The following PRKAA2 variants were observed in gnomAD, a reference collection of about 807,000 sequenced individuals.
The protein encoded by PRKAA2 is protein kinase AMP-activated catalytic subunit alpha 2, also known as 5'-AMP-activated protein kinase catalytic subunit alpha-2.
PRKAA2 carries 40 observed loss-of-function variants against 56.3 expected under a neutral mutation model. The ratio of observed to expected loss-of-function variants is 0.71; its 90% CI spans 0.55 to 0.92. The LOEUF (loss-of-function observed/expected upper bound fraction) is 0.92, where lower values mean the gene tolerates loss of function less well. Among genes scored for constraint, PRKAA2 ranks in the 40% least tolerant of loss-of-function variants. The pLI, the probability that PRKAA2 is intolerant of heterozygous loss-of-function variation, is 0.00. For synonymous variants in PRKAA2, 214 were observed against 234.2 expected (o/e 0.91, Z 0.79); for missense variants, 542 against 686.9 (o/e 0.79, Z 2.36).
Position 56,714,141 on chromosome 1 carries a change from C to T in PRKAA2, c.*6428C>T, listed in dbSNP as rs184312989. ...TAAACATAACATTTGGCTACCTTCT[C>T]ATGCTTTATAAATGAATTTGATGAA... On this transcript the variant is annotated 3_prime_UTR_variant, in exon 9 of 9. Coordinates refer to ENST00000371244, the MANE Select transcript of PRKAA2 (RefSeq NM_006252.4). The T allele has an allele frequency of 9.7e-4, 147 of 152,230 alleles. No individual in the cohort carries two copies. Among genetic ancestry groups the T allele is most frequent in the African/African-American group, 3.3e-3 (136 of 41,550 alleles). 9.4% of individuals were successfully genotyped at this position (152,230 alleles called of 1,614,324 possible). A position where few individuals can be genotyped will look rare whatever the true frequency, so the allele number is the denominator to read the frequency against.
At chr1:56,660,459 C>G (rs1643985267) in intron 1 of PRKAA2, among the ~76,000 whole-genome samples, 1 of 152,114 alleles carries the variant, frequency 6.6e-6, no homozygotes, top group Non-Finnish European at 1.5e-5. Flanking sequence ...CAGCCCTACC[C>G]CAGCCTTACT....
At chr1:56,685,460 C>A (rs1051484963) in intron 2 of PRKAA2, among the ~76,000 whole-genome samples, 2 of 152,064 alleles carry the variant, frequency 1.3e-5, no homozygotes, top group African/African-American at 4.8e-5. Flanking sequence ...GATCAGAATT[C>A]ATTCATTACT....
chr1:56,690,587 A>G (rs1569774732), intron 2 of PRKAA2, among the ~76,000 whole-genome samples: 1 of 152,224 alleles, frequency 6.6e-6, no homozygotes. Context: ...AATCAAAATA[A>G]GTCTATACAG....
intron 7 of PRKAA2, among the ~76,000 whole-genome samples, chr1:56,704,867 G>C (rs530039928): frequency 6.6e-6 from 1 of 151,698 alleles, no homozygotes; most frequent in South Asian, 2.1e-4. Context: ...GGCTGTAATA[G>C]CTAGTGGTTG....
intron 1 of PRKAA2, among the ~76,000 whole-genome samples, chr1:56,657,340 A>C (rs1211649992): frequency 6.6e-6 from 1 of 152,218 alleles, no homozygotes; most frequent in African/African-American, 2.4e-5. Flanking sequence ...TAAAAGAAAC[A>C]AACTGCCAGC....
intron 1 of PRKAA2, among the ~76,000 whole-genome samples, chr1:56,665,518 T>C (rs1406611596): frequency 1.3e-5 from 2 of 152,250 alleles, no homozygotes; most frequent in Admixed American, 6.5e-5. Context: ...TTTTAATTTA[T>C]GCATTTCTGT....
intron 1 of PRKAA2, among the ~76,000 whole-genome samples, chr1:56,652,960 A>G (rs1170382329): frequency 1.3e-5 from 2 of 152,204 alleles, no homozygotes; most frequent in Non-Finnish European, 2.9e-5. Flanking sequence ...TAATGTTTAT[A>G]TTAAAAACAA....
chr1:56,656,292 G>C (rs1009401454), intron 1 of PRKAA2, among the ~76,000 whole-genome samples: 2 of 152,140 alleles, frequency 1.3e-5, no homozygotes, highest in African/African-American at 4.8e-5. Flanking sequence ...AAGCTATATA[G>C]AAAAAGTTAA....
intron 2 of PRKAA2, among the ~76,000 whole-genome samples, chr1:56,679,295 C>A (rs898939242): frequency 6.6e-6 from 1 of 152,162 alleles, no homozygotes; most frequent in African/African-American, 2.4e-5. Flanking sequence ...ATTTCCAAAT[C>A]TTTATGATTT....
intron 1 of PRKAA2, among the ~76,000 whole-genome samples, chr1:56,668,015 T>C (rs765141015): frequency 9.2e-5 from 14 of 152,172 alleles, no homozygotes; most frequent in Non-Finnish European, 1.8e-4. Context: ...GTAGGCTTGA[T>C]TTTATTTATT....
intron 5 of PRKAA2, among the ~76,000 whole-genome samples, chr1:56,694,813 T>A (rs555290547): frequency 1.3e-5 from 2 of 152,226 alleles, no homozygotes; most frequent in East Asian, 3.9e-4. Flanking sequence ...ACATAAGCAT[T>A]CAGTCCATTG....
At chr1:56,702,089 T>G (rs1450974640) in intron 6 of PRKAA2, among the ~76,000 whole-genome samples, 1 of 150,950 alleles carries the variant, frequency 6.6e-6, no homozygotes, top group African/African-American at 2.4e-5. Flanking sequence ...ATCTTTTCTT[T>G]TTTTTTTTTT....
chr1:56,698,417 T>C (rs149292929), intron 6 of PRKAA2, among the ~76,000 whole-genome samples: 31 of 152,352 alleles, frequency 2.0e-4, no homozygotes, highest in African/African-American at 7.5e-4. Flanking sequence ...TTTATGTATC[T>C]GTTTGCCCCT....
At chr1:56,706,242 G>A (rs746358614) in intron 8 of PRKAA2, 24 bp downstream of exon 8, 2 of 1,596,620 alleles carry the variant, frequency 1.3e-6, no homozygotes, top group Non-Finnish European at 1.7e-6. Flanking sequence ...GCATGCATGA[G>A]CTCTGAGAAG....
chr1:56,652,942 A>G (rs1643913880), intron 1 of PRKAA2, among the ~76,000 whole-genome samples: 1 of 152,202 alleles, frequency 6.6e-6, no homozygotes, highest in African/African-American at 2.4e-5. Context: ...GTGCTTTATG[A>G]TACTTATTAA....
At chr1:56,671,730 GGCTCTGAA>G (rs1644078422) in intron 1 of PRKAA2, among the ~76,000 whole-genome samples, 1 of 152,134 alleles carries the variant, frequency 6.6e-6, no homozygotes, top group Non-Finnish European at 1.5e-5. Flanking sequence ...CAGTTATGCT[GGCTCTGAA>G]GTCAGACAGC....
In PRKAA2 at chr1:56,713,630, T is replaced by G. The variant is rs1644384010; in HGVS notation, c.*5917T>G. On this transcript the variant is annotated 3_prime_UTR_variant, in exon 9 of 9. Coordinates refer to ENST00000371244, the MANE Select transcript of PRKAA2 (RefSeq NM_006252.4). ...TTCATACAGTGCATACAGTGTGACC[T>G]TTTCTGAGGTGGGCAGGGAGGGTTG... 6.6e-6 allele frequency: 1 copy of G among 152,106 alleles called. No individual in the cohort carries two copies. The highest frequency in any genetic ancestry group is 2.1e-4 in the South Asian group (1 of 4,824). 9.4% of individuals were successfully genotyped at this position (152,106 alleles called of 1,614,324 possible). A position where few individuals can be genotyped will look rare whatever the true frequency, so the allele number is the denominator to read the frequency against.
Position 56,692,289 on chromosome 1 carries a change from G to A in PRKAA2, c.331-69G>A. 3.8e-6 allele frequency: 6 copies of A among 1,586,392 alleles called. No individual in the cohort carries two copies. In the Admixed American group the frequency reaches 6.9e-5, roughly 18 times the overall value. ...TCAGGTAATCCACCTGCCTTGGCTG[G>A]GATTACAGGCATGAGCCACTGTGCC... is the stretch of plus-strand genomic sequence containing the variant. On this transcript the variant is annotated intron_variant, in intron 3 of 8. Transcript: ENST00000371244.
chr1:56,682,056 G>A (rs888313914), intron 2 of PRKAA2, among the ~76,000 whole-genome samples: 9 of 152,100 alleles, frequency 5.9e-5, no homozygotes, highest in Non-Finnish European at 1.3e-4. Context: ...AGTTCTCCTT[G>A]AAGAGGTCCT....
Sources: gnomAD v4.1 joint callset for allele counts (sites outside exome capture counted in the v4.1 genomes callset) on GRCh38, gnomAD v4.1.1 for gene constraint, MANE v1.5 for transcripts, NCBI Gene and HGNC (gene_info 2026-07-23, HGNC 2026-07-21) for gene names.